TRAF3IP1: variants seen among roughly 807,000 people sequenced by gnomAD.
TRAF3IP1 encodes the protein intraflagellar transport 54.
Under a neutral mutation model 89.9 loss-of-function variants are expected in TRAF3IP1, and 53 were observed. The observed-to-expected ratio is 0.59, with a 90% CI of 0.47 to 0.74. The LOEUF (loss-of-function observed/expected upper bound fraction) is 0.74. TRAF3IP1 is among the 30% of genes least tolerant of loss of function. TRAF3IP1 has a pLI of 0.00. For missense variants in TRAF3IP1, 806 were observed against 866.1 expected (o/e 0.93, Z 0.87); for synonymous variants, 311 against 322.1 (o/e 0.97, Z 0.37).
chr2:238,398,968 A>G lies in TRAF3IP1; in HGVS notation c.*49A>G, dbSNP rs748460188. ...AAAGTCACCTCAGTTTAAAAGCAAA[A>G]AGGAAGATAGAAAATCATTACTCTT... On this transcript the variant is annotated 3_prime_UTR_variant, in exon 17 of 17. Coordinates refer to ENST00000373327, the MANE Select transcript of TRAF3IP1 (RefSeq NM_015650.4). The G allele has an allele frequency of 4.0e-6, 6 of 1,505,326 alleles. No individual in the cohort carries two copies. The South Asian group carries it at 7.7e-5, about 19-fold the overall frequency. 93.2% of individuals were successfully genotyped at this position (1,505,326 alleles called of 1,614,324 possible). A position where few individuals can be genotyped will look rare whatever the true frequency, so the allele number is the denominator to read the frequency against.
intron 15 of TRAF3IP1, among the ~76,000 whole-genome samples, chr2:238,375,561 A>G (rs375569926): frequency 6.6e-6 from 1 of 152,178 alleles, no homozygotes; most frequent in African/African-American, 2.4e-5. Context: ...TATGTGGTCA[A>G]TTTTGGAATA....
At chr2:238,331,484 A>G (rs1422037280) in intron 5 of TRAF3IP1, among the ~76,000 whole-genome samples, 1 of 152,180 alleles carries the variant, frequency 6.6e-6, no homozygotes, top group Non-Finnish European at 1.5e-5. Flanking sequence ...CTCAAACAAC[A>G]ACAACAACAA....
intron 1 of TRAF3IP1, among the ~76,000 whole-genome samples, chr2:238,324,685 ATC>A (rs1490602441): frequency 2.6e-5 from 4 of 151,720 alleles, no homozygotes; most frequent in Non-Finnish European, 5.9e-5. Flanking sequence ...GCTCACTGCA[ATC>A]TCTGTTTCCT....
chr2:238,327,295 C>T (rs1457702987), intron 3 of TRAF3IP1, among the ~76,000 whole-genome samples: 1 of 152,246 alleles, frequency 6.6e-6, no homozygotes, highest in East Asian at 1.9e-4. Flanking sequence ...TGGGCCTCTC[C>T]TCCCTCCCAG....
At chr2:238,335,766 T>TTTTAA (rs1698357122) in intron 7 of TRAF3IP1, among the ~76,000 whole-genome samples, 1 of 137,102 alleles carries the variant, frequency 7.3e-6, no homozygotes, top group African/African-American at 2.8e-5. Context: ...TTTTATTTTA[T>TTTTAA]TTTATTTATT....
chr2:238,400,552 T>TA lies in TRAF3IP1; in HGVS notation c.*1633_*1634insA, dbSNP rs1204470905. ...ATCTGCCATTCTGAAACGCTGGTCTTTTTCTCCTTCCTATAGTGCACCATA... is the reference window on the plus strand; with the variant it reads ...ATCTGCCATTCTGAAACGCTGGTCTTATTTCTCCTTCCTATAGTGCACCATA... On this transcript the variant is annotated 3_prime_UTR_variant, in exon 17 of 17. Coordinates refer to ENST00000373327, the MANE Select transcript of TRAF3IP1 (RefSeq NM_015650.4). 4 of 152,258 alleles carry TA rather than the reference T, an allele frequency of 2.6e-5. No homozygotes were observed. Among genetic ancestry groups the TA allele is most frequent in the Non-Finnish European group, 5.9e-5 (4 of 68,054 alleles). The allele number at this position is 152,258 out of a possible 1,614,324, so 9.4% of individuals were successfully genotyped here.
intron 3 of TRAF3IP1, among the ~76,000 whole-genome samples, chr2:238,328,193 A>C (rs896252623): frequency 1.3e-5 from 2 of 152,112 alleles, no homozygotes; most frequent in African/African-American, 4.8e-5. Flanking sequence ...ATCATTTTAC[A>C]TTTCCACCAA....
At chr2:238,382,021 A>G (rs1700572809) in intron 15 of TRAF3IP1, among the ~76,000 whole-genome samples, 2 of 152,176 alleles carry the variant, frequency 1.3e-5, no homozygotes, top group African/African-American at 4.8e-5. Flanking sequence ...GAAGCCGTAA[A>G]GAAGCAGAAT....
intron 11 of TRAF3IP1, among the ~76,000 whole-genome samples, 157 bp downstream of exon 11, chr2:238,349,005 C>T (rs1699025769): frequency 1.3e-5 from 2 of 152,106 alleles, no homozygotes; most frequent in Admixed American, 1.3e-4. Flanking sequence ...GTTTTCTGTA[C>T]TGGAGTTATA....
intron 7 of TRAF3IP1, among the ~76,000 whole-genome samples, chr2:238,334,322 CTTAT>C (rs1254230937): frequency 6.6e-6 from 1 of 152,224 alleles, no homozygotes; most frequent in Non-Finnish European, 1.5e-5. Context: ...TCCAGAAATA[CTTAT>C]CAGCCATCTT....
At chr2:238,395,640 A>T (rs1199602474) in intron 15 of TRAF3IP1, among the ~76,000 whole-genome samples, 1 of 152,194 alleles carries the variant, frequency 6.6e-6, no homozygotes, top group Non-Finnish European at 1.5e-5. Flanking sequence ...TCATCTGACA[A>T]AGGGCTAATA....
chr2:238,363,731 G>A (rs773144821), intron 15 of TRAF3IP1, among the ~76,000 whole-genome samples: 1 of 152,142 alleles, frequency 6.6e-6, no homozygotes, highest in South Asian at 2.1e-4. Context: ...GGAGGCCAAG[G>A]TGGGCGGATC....
At chr2:238,384,799 A>AT (rs1435784287) in intron 15 of TRAF3IP1, among the ~76,000 whole-genome samples, 1 of 151,992 alleles carries the variant, frequency 6.6e-6, no homozygotes, top group Non-Finnish European at 1.5e-5. Context: ...ATTGCTAGTA[A>AT]TTTTTTCCTA....
rs1466382513 is a variant in TRAF3IP1, at chr2:238,398,941, GAA to G, written c.*25_*26del. Reference sequence around the variant, plus strand: ...GTGAACACTCAAAAGTTTCAGAGATGAAAAGTCACCTCAGTTTAAAAGCAAAA... The same window carrying G: ...GTGAACACTCAAAAGTTTCAGAGATGAAGTCACCTCAGTTTAAAAGCAAAA... On this transcript the variant is annotated 3_prime_UTR_variant, in exon 17 of 17. Transcript: ENST00000373327. The G allele has an allele frequency of 6.3e-7, 1 of 1,576,802 alleles. No homozygotes were observed. Among genetic ancestry groups the G allele is most frequent in the Non-Finnish European group, 8.6e-7 (1 of 1,166,856 alleles).
chr2:238,367,570 T>C (rs1699935917), intron 15 of TRAF3IP1, among the ~76,000 whole-genome samples: 1 of 152,160 alleles, frequency 6.6e-6, no homozygotes, highest in South Asian at 2.1e-4. Context: ...CTGTGACAGC[T>C]CTTGCTCCTC....
chr2:238,375,390 C>A (rs1429238337), intron 15 of TRAF3IP1, among the ~76,000 whole-genome samples: 1 of 152,162 alleles, frequency 6.6e-6, no homozygotes, highest in Non-Finnish European at 1.5e-5. Context: ...GTTATGTACC[C>A]AGTAGTCATT....
In TRAF3IP1 at chr2:238,331,396, G is replaced by C. The variant is rs192753112; in HGVS notation, c.916-1428G>C. Among the ~76,000 whole-genome samples the C allele has an allele frequency of 4.8e-3, 736 of 152,128 alleles. 22 individuals are homozygous for C. The highest frequency in any genetic ancestry group is 0.045 in the Admixed American group (690 of 15,280). The stretch of plus-strand genomic sequence containing the variant: ...GGAGGCTGAGGCAGGAGAATCGTTT[G>C]AACTCGGGAGGCGGAGGTTGCAGTG... On this transcript the variant is annotated intron_variant, in intron 5 of 16. Coordinates refer to ENST00000373327, the MANE Select transcript of TRAF3IP1 (RefSeq NM_015650.4).
At chr2:238,372,441 C>T (rs1700149315) in intron 15 of TRAF3IP1, among the ~76,000 whole-genome samples, 1 of 152,148 alleles carries the variant, frequency 6.6e-6, no homozygotes, top group Non-Finnish European at 1.5e-5. Flanking sequence ...TCATCCATGT[C>T]CCTGCAAAGG....
At chr2:238,350,723 G>A (rs1699112093) in intron 12 of TRAF3IP1, among the ~76,000 whole-genome samples, 1 of 152,212 alleles carries the variant, frequency 6.6e-6, no homozygotes, top group Admixed American at 6.5e-5. Context: ...GGAGGCCGTG[G>A]CTGACAGCTG....
Sources: gnomAD v4.1 joint callset for allele counts (sites outside exome capture counted in the v4.1 genomes callset) on GRCh38, gnomAD v4.1.1 for gene constraint, MANE v1.5 for transcripts, NCBI Gene and HGNC (gene_info 2026-07-23, HGNC 2026-07-21) for gene names.